SYBU: variants seen among roughly 807,000 people sequenced by gnomAD.
The protein encoded by SYBU is GOLSYN A protein.
Under a neutral mutation model 35.9 loss-of-function variants are expected in SYBU, and 21 were observed. The observed-to-expected ratio is 0.58, with a 90% confidence interval of 0.41 to 0.84. The LOEUF (loss-of-function observed/expected upper bound fraction) is 0.84. SYBU is among the 40% of genes least tolerant of loss of function. SYBU has a pLI of 0.00. For missense variants in SYBU, 768 were observed against 848.2 expected (o/e 0.91, Z 1.17); for synonymous variants, 319 against 324.3 (o/e 0.98, Z 0.18).
rs1313333270 is a variant in SYBU, at chr8:109,644,770, G to A, written c.-111C>T. On this transcript the variant is annotated 5_prime_UTR_variant, in exon 1 of 7. Transcript: ENST00000276646. ...TGAGCCGGCGCGGGCTGCGGGCGGC[G>A]GCTCTTGGTGAGGCTCCAACGCGCC... 3.6e-6 allele frequency: 4 copies of A among 1,125,512 alleles called. No homozygotes were observed. The highest frequency in any genetic ancestry group is 2.3e-5 in the South Asian group (1 of 43,310). The allele number at this position is 1,125,512 out of a possible 1,614,324, so 69.7% of individuals were successfully genotyped here.
chr8:109,590,682 A>G (rs1167470934), intron 3 of SYBU, among the ~76,000 whole-genome samples: 1 of 151,990 alleles, frequency 6.6e-6, no homozygotes, highest in Non-Finnish European at 1.5e-5. Flanking sequence ...TAGCAAGGTC[A>G]AAGACAAATA....
At chr8:109,674,290 G>C (rs1817099667) in intron 1 of SYBU, among the ~76,000 whole-genome samples, 1 of 151,588 alleles carries the variant, frequency 6.6e-6, no homozygotes, top group Admixed American at 6.6e-5. Flanking sequence ...CAAGAGAAAG[G>C]TCAGGTTACT....
rs145760911 is a variant in SYBU at position 109,597,911 on chromosome 8, C to A, written c.428-11749G>T. Among the ~76,000 whole-genome samples, 869 of 152,208 alleles carry A rather than the reference C, an allele frequency of 5.7e-3. 6 individuals carry two copies. The highest frequency in any genetic ancestry group is 0.019 in the African/African-American group (792 of 41,538). On this transcript the variant is annotated intron_variant, in intron 3 of 6. Coordinates refer to ENST00000276646, the MANE Select transcript of SYBU (RefSeq NM_001099754.2). ...GGCAATTATGGGATAGATTTTAAAC[C>A]ATCCTCAGTGAGTCAGAAACATGTT...
At chr8:109,624,301 C>T (rs193004996) in intron 2 of SYBU, among the ~76,000 whole-genome samples, 235 of 152,122 alleles carry the variant, frequency 1.5e-3, no homozygotes, top group African/African-American at 5.4e-3. Context: ...TGAAAATTGG[C>T]AATTAAAAGG....
upstream of SYBU, chr8:109,648,906 G>A (rs1815989162): frequency 6.6e-6 from 1 of 151,584 alleles, no homozygotes. Context: ...TGTGTGGTGG[G>A]GTGGGGTGGA....
chr8:109,583,164 A>G (rs1480508902), intron 4 of SYBU, among the ~76,000 whole-genome samples: 1 of 152,066 alleles, frequency 6.6e-6, no homozygotes, highest in Non-Finnish European at 1.5e-5. Context: ...GACAAAAACC[A>G]CCTTTTACCA....
intron 1 of SYBU, among the ~76,000 whole-genome samples, chr8:109,670,297 T>G (rs1816931113): frequency 1.3e-5 from 2 of 151,884 alleles, no homozygotes; most frequent in Admixed American, 1.3e-4. Context: ...GTGCACAACG[T>G]GCAGTTTTGT....
intron 1 of SYBU, among the ~76,000 whole-genome samples, chr8:109,687,192 A>G (rs1419998796): frequency 6.6e-6 from 1 of 152,182 alleles, no homozygotes; most frequent in East Asian, 1.9e-4. Flanking sequence ...AAAAGTATAA[A>G]CTCACTACTT....
intron 3 of SYBU, among the ~76,000 whole-genome samples, chr8:109,617,950 C>T (rs1329548050): frequency 6.6e-6 from 1 of 152,226 alleles, no homozygotes; most frequent in Admixed American, 6.5e-5. Context: ...GGACACAGGG[C>T]TAGGCCTTGG....
intron 1 of SYBU, chr8:109,644,280 C>T (rs1815321531): frequency 2.0e-6 from 1 of 511,558 alleles, no homozygotes. Flanking sequence ...AAGGCAGGGT[C>T]ACTGACACGC....
At chr8:109,587,421 G>A (rs912059247) in intron 3 of SYBU, among the ~76,000 whole-genome samples, 3 of 152,150 alleles carry the variant, frequency 2.0e-5, no homozygotes, top group Admixed American at 1.3e-4. Flanking sequence ...AAGCTTATAG[G>A]TGATAAATCC....
intron 1 of SYBU, among the ~76,000 whole-genome samples, chr8:109,668,201 A>G (rs1408267806): frequency 6.7e-6 from 1 of 150,280 alleles, no homozygotes; most frequent in Non-Finnish European, 1.5e-5. Context: ...AGAGAGAGAG[A>G]GACTTTTAAT....
intron 2 of SYBU, among the ~76,000 whole-genome samples, chr8:109,619,630 G>T (rs1368398790): frequency 1.3e-5 from 2 of 152,192 alleles, no homozygotes; most frequent in African/African-American, 4.8e-5. Context: ...TGGGTCATAT[G>T]TGTCCATAGA....
chr8:109,577,612 AC>A, intron 6 of SYBU, among the ~76,000 whole-genome samples: 1 of 152,186 alleles, frequency 6.6e-6, no homozygotes, highest in East Asian at 1.9e-4. Context: ...ACACTGCAAA[AC>A]AACAACAACA....
upstream of SYBU, chr8:109,649,018 T>G: frequency 1.4e-5 from 2 of 141,686 alleles, no homozygotes; most frequent in Non-Finnish European, 3.0e-5. Flanking sequence ...TTTTTTTTTT[T>G]GGAGACAGAG....
At chr8:109,598,236 C>T (rs187183211) in intron 3 of SYBU, among the ~76,000 whole-genome samples, 2 of 152,332 alleles carry the variant, frequency 1.3e-5, no homozygotes, top group East Asian at 1.9e-4. Flanking sequence ...CATACAGATA[C>T]ACACTGTAGT....
chr8:109,618,728 A>G, intron 3 of SYBU, 114 bp downstream of exon 3: 1 of 962,694 alleles, frequency 1.0e-6, no homozygotes, highest in Admixed American at 1.9e-5. Flanking sequence ...GATGCTTTAG[A>G]TGCTGGGTAC....
chr8:109,610,804 G>T (rs1811085947), intron 3 of SYBU, among the ~76,000 whole-genome samples: 1 of 152,188 alleles, frequency 6.6e-6, no homozygotes, highest in South Asian at 2.1e-4. Context: ...CTCTGCTAAA[G>T]TCCATAGTTC....
intron 3 of SYBU, among the ~76,000 whole-genome samples, chr8:109,590,192 T>C (rs1824054828): frequency 6.6e-6 from 1 of 152,172 alleles, no homozygotes; most frequent in South Asian, 2.1e-4. Flanking sequence ...GAAGACACTA[T>C]TAAAAGAAGC....
Sources: allele counts gnomAD v4.1 joint callset (sites outside exome capture counted in the v4.1 genomes callset), GRCh38; gene constraint gnomAD v4.1.1; transcripts MANE v1.5; gene names NCBI Gene and HGNC (gene_info 2026-07-23, HGNC 2026-07-21).